The following LIFR variants were observed in gnomAD, a reference collection of about 807,000 sequenced individuals.
LIFR encodes the protein LIF receptor subunit alpha.
LIFR carries 84 observed loss-of-function variants against 122.2 expected under a neutral mutation model. The ratio of observed to expected loss-of-function variants is 0.69; its 90% CI spans 0.58 to 0.82. The LOEUF (loss-of-function observed/expected upper bound fraction) is 0.82. LIFR is among the 40% of genes least tolerant of loss of function. LIFR has a pLI of 0.00. For missense variants in LIFR, 1,294 were observed against 1,311.6 expected (o/e 0.99, Z 0.21); for synonymous variants, 422 against 434.7 (o/e 0.97, Z 0.36).
intron 3 of LIFR, 92 bp from the exon 4 acceptor site, chr5:38,527,386 C>A: frequency 1.3e-6 from 1 of 788,980 alleles, no homozygotes; most frequent in South Asian, 1.6e-5. Context: ...ATGGAAAATA[C>A]TTTATGCCCT....
intron 1 of LIFR, among the ~76,000 whole-genome samples, chr5:38,538,156 T>C (rs1376897530): frequency 6.6e-6 from 1 of 152,218 alleles, no homozygotes; most frequent in African/African-American, 2.4e-5. Flanking sequence ...CCAACACCAC[T>C]TATTAGGTAA....
At chr5:38,589,341 T>A (rs953150503) in intron 1 of LIFR, among the ~76,000 whole-genome samples, 2 of 152,146 alleles carry the variant, frequency 1.3e-5, no homozygotes, top group African/African-American at 4.8e-5. Flanking sequence ...ACTGATCATG[T>A]TTAAACAAGA....
At chr5:38,507,548 A>G (rs2112478374) in intron 7 of LIFR, among the ~76,000 whole-genome samples, 1 of 129,248 alleles carries the variant, frequency 7.7e-6, no homozygotes, top group African/African-American at 3.0e-5. Flanking sequence ...TGGGCGACAG[A>G]GCGATACTCC....
rs558503590 is a variant in LIFR, at chr5:38,479,643, T to C, written c.*1952A>G. ...CTGGAGAGATAAAGTACGGGATTGATACATTTCAACAGGGAACAAGGCAGG... is the reference window on the plus strand; with the variant it reads ...CTGGAGAGATAAAGTACGGGATTGACACATTTCAACAGGGAACAAGGCAGG... On this transcript the variant is annotated 3_prime_UTR_variant, in exon 20 of 20. Transcript: ENST00000453190. 1.9e-4 allele frequency: 43 copies of C among 230,384 alleles called. 1 individual carries two copies. The South Asian group carries it at 7.1e-3, about 38-fold the overall frequency. 14.3% of individuals were successfully genotyped at this position (230,384 alleles called of 1,614,324 possible).
intron 19 of LIFR, among the ~76,000 whole-genome samples, 161 bp downstream of exon 19, chr5:38,482,428 T>C (rs1408338935): frequency 6.6e-6 from 1 of 152,176 alleles, no homozygotes; most frequent in Non-Finnish European, 1.5e-5. Context: ...GAGCACTGTA[T>C]AATTTAAAAT....
At position 38,475,385 on chromosome 5, in the gene LIFR, T is replaced by C. The variant is rs769954591; in HGVS notation, c.*6210A>G. 3.0e-5 allele frequency: 6 copies of C among 197,542 alleles called. No individual in the cohort carries two copies. The highest frequency in any genetic ancestry group is 6.3e-5 in the Non-Finnish European group (6 of 95,232). 12.2% of individuals were successfully genotyped at this position (197,542 alleles called of 1,614,324 possible). A position where few individuals can be genotyped will look rare whatever the true frequency, so the allele number is the denominator to read the frequency against. ...ATAAGTGTATTGAAATGTTTCCTTA[T>C]ACGATTAAACATGATTTTAGGTACA... On this transcript the variant is annotated 3_prime_UTR_variant, in exon 20 of 20. Transcript: ENST00000453190.
chr5:38,477,288 A>G lies in LIFR; in HGVS notation c.*4307T>C, dbSNP rs1743769549. The G allele has an allele frequency of 4.5e-6, 1 of 219,974 alleles. No individual in the cohort carries two copies. Among genetic ancestry groups the G allele is most frequent in the Admixed American group, 5.8e-5 (1 of 17,332 alleles). 13.6% of individuals were successfully genotyped at this position (219,974 alleles called of 1,614,324 possible). ...GCCAAGTAATTTCCAATGATATTCT[A>G]AGGCTAAGTCTAAAAGATGAATGTT... On this transcript the variant is annotated 3_prime_UTR_variant, in exon 20 of 20. Transcript: ENST00000453190.
At chr5:38,509,494 T>A (rs1462286578) in intron 7 of LIFR, among the ~76,000 whole-genome samples, 5 of 152,148 alleles carry the variant, frequency 3.3e-5, no homozygotes, top group Non-Finnish European at 7.3e-5. Context: ...AGTATCTGAA[T>A]GAAATTCATC....
intron 7 of LIFR, among the ~76,000 whole-genome samples, chr5:38,509,507 G>A (rs61663835): frequency 0.011 from 1,730 of 152,238 alleles, 30 homozygotes; most frequent in Admixed American, 0.035. Context: ...AATTCATCAC[G>A]AAGTACTGTA....
At chr5:38,483,710 T>A (rs1744123446) in intron 18 of LIFR, among the ~76,000 whole-genome samples, 1 of 152,260 alleles carries the variant, frequency 6.6e-6, no homozygotes, top group South Asian at 2.1e-4. Flanking sequence ...ATTACAGGCG[T>A]GAGCCACTGC....
chr5:38,497,247 C>T (rs564560794), intron 12 of LIFR, among the ~76,000 whole-genome samples: 1 of 152,150 alleles, frequency 6.6e-6, no homozygotes, highest in African/African-American at 2.4e-5. Context: ...TGTGCCACTG[C>T]ACTCCAGACT....
rs34579169 is a variant in LIFR, at chr5:38,476,522, CTTTTT to C, written c.*5068_*5072del. 5.4e-6 allele frequency: 1 copy of C among 183,856 alleles called. No individual in the cohort carries two copies. Among genetic ancestry groups the C allele is most frequent in the Admixed American group, 6.3e-5 (1 of 15,768 alleles). The allele number at this position is 183,856 out of a possible 1,614,324, so 11.4% of individuals were successfully genotyped here. On this transcript the variant is annotated 3_prime_UTR_variant, in exon 20 of 20. Coordinates refer to ENST00000453190, the MANE Select transcript of LIFR (RefSeq NM_001127671.2). ...CAACACATAGGATCTATGTTGTTAG[CTTTTT>C]TTTTTTTAAAGTTCTGATTGGCTAC...
intron 12 of LIFR, among the ~76,000 whole-genome samples, chr5:38,497,417 A>G (rs1744940973): frequency 6.6e-6 from 1 of 152,256 alleles, no homozygotes; most frequent in African/African-American, 2.4e-5. Flanking sequence ...GTACACAAAA[A>G]TTTAAAAATT....
chr5:38,517,296 A>G (rs1402451872), intron 5 of LIFR, among the ~76,000 whole-genome samples: 2 of 152,162 alleles, frequency 1.3e-5, no homozygotes, highest in Non-Finnish European at 2.9e-5. Flanking sequence ...AGCTTTACAG[A>G]TATACTATTT....
chr5:38,498,623 C>T (rs1454347193), intron 12 of LIFR, among the ~76,000 whole-genome samples: 1 of 152,200 alleles, frequency 6.6e-6, no homozygotes, highest in Non-Finnish European at 1.5e-5. Context: ...AAGCTAGAAT[C>T]TAAATCATTT....
At position 38,476,632 on chromosome 5, in the gene LIFR, A is replaced by C. The variant is rs1743735696; in HGVS notation, c.*4963T>G. ...TCAATTAGACATTTTCCCCACTCAC[A>C]TCTCTTAGTTTTTAGGGTATTCAGT... On this transcript the variant is annotated 3_prime_UTR_variant, in exon 20 of 20. Coordinates refer to ENST00000453190, the MANE Select transcript of LIFR (RefSeq NM_001127671.2). The C allele has an allele frequency of 4.9e-6, 1 of 205,536 alleles. No homozygotes were observed. Among genetic ancestry groups the C allele is most frequent in the Non-Finnish European group, 9.9e-6 (1 of 100,716 alleles). The allele number at this position is 205,536 out of a possible 1,614,324, so 12.7% of individuals were successfully genotyped here.
chr5:38,510,978 G>A (rs1178935543), intron 6 of LIFR, among the ~76,000 whole-genome samples: 1 of 152,182 alleles, frequency 6.6e-6, no homozygotes, highest in Non-Finnish European at 1.5e-5. Flanking sequence ...TGGTGAGGAA[G>A]CAGAAGCAGA....
At chr5:38,550,002 T>C (rs1748115882) in intron 1 of LIFR, among the ~76,000 whole-genome samples, 1 of 152,164 alleles carries the variant, frequency 6.6e-6, no homozygotes, top group Non-Finnish European at 1.5e-5. Context: ...GGTGCACAAA[T>C]GCACTATAAC....
At chr5:38,584,137 C>T (rs1376076044) in intron 1 of LIFR, among the ~76,000 whole-genome samples, 1 of 152,060 alleles carries the variant, frequency 6.6e-6, no homozygotes, top group Admixed American at 6.6e-5. Context: ...ATCTCATACT[C>T]ATTAGATACC....
Sources: allele counts gnomAD v4.1 joint callset (sites outside exome capture counted in the v4.1 genomes callset), GRCh38; gene constraint gnomAD v4.1.1; transcripts MANE v1.5; gene names NCBI Gene and HGNC (gene_info 2026-07-23, HGNC 2026-07-21).